Variants in SOX6 observed in about 807,000 individuals in gnomAD.
SOX6 encodes the protein transcription factor SOX-6.
A neutral mutation model predicts 97.8 loss-of-function variants in SOX6; 11 were observed. The observed-to-expected ratio is 0.11, with a 90% CI of 0.07 to 0.19. The LOEUF (loss-of-function observed/expected upper bound fraction) is 0.19, where lower values mean the gene tolerates loss of function less well. Ranked by LOEUF, SOX6 falls within the 10% of genes least tolerant of loss-of-function variation. SOX6 has a pLI of 1.00. For synonymous variants in SOX6, 360 were observed against 371.4 expected (o/e 0.97, Z 0.35); for missense variants, 810 against 1,039.5 (o/e 0.78, Z 3.04).
chr11:16,059,192 A>G (rs1012341020), intron 9 of SOX6, among the ~76,000 whole-genome samples: 2 of 152,106 alleles, frequency 1.3e-5, no homozygotes, highest in African/African-American at 2.4e-5. Flanking sequence ...ATAATCCTTA[A>G]CCATCAATTT....
chr11:16,014,942 C>T lies in SOX6; in HGVS notation c.1732G>A (p.Gly578Arg). ...IDLTRPEDAE[G>R]SKAMNGSAAK... ...AAAGAACTAGAGAAAAGCCACTCAC[C>T]CTCTGCATCTTCTGGCCGAGTAAGG... The change falls in exon 13 of 16, where the codon GGA (glycine) becomes AGA (arginine). Residue 578 changes from glycine (G) to arginine (R), a missense_variant and splice_region_variant. Gly to Arg is a moderately radical substitution (Grantham distance 125). Around this residue, in one of 9 missense-constraint regions of SOX6, gnomAD observed 120 missense variants for 127.0 expected, o/e 0.94. Coordinates refer to ENST00000683767, the MANE Select transcript of SOX6 (RefSeq NM_001367873.1). 6.2e-7 allele frequency: 1 copy of T among 1,612,320 alleles called. No individual in the cohort carries two copies. Among genetic ancestry groups the T allele is most frequent in the Non-Finnish European group, 8.5e-7 (1 of 1,178,850 alleles).
At chr11:16,370,258 T>C (rs1471885530) in intron 1 of SOX6, among the ~76,000 whole-genome samples, 1 of 152,154 alleles carries the variant, frequency 6.6e-6, no homozygotes, top group Admixed American at 6.6e-5. Context: ...TACCTCAGCC[T>C]CCTTTTTTGC....
chr11:16,557,171 C>T (rs1847757807), intron 4 of SOX6, among the ~76,000 whole-genome samples: 1 of 151,772 alleles, frequency 6.6e-6, no homozygotes, highest in South Asian at 2.1e-4. Flanking sequence ...TGTTATCAAA[C>T]ATGTCAAAAG....
intron 4 of SOX6, among the ~76,000 whole-genome samples, chr11:16,516,597 C>T (rs1388813423): frequency 2.6e-5 from 4 of 151,636 alleles, no homozygotes; most frequent in East Asian, 1.9e-4. Context: ...ATAAATTCCT[C>T]GACACATACA....
At chr11:16,023,058 G>T (rs1298837460) in intron 12 of SOX6, 5 of 151,934 alleles carry the variant, frequency 3.3e-5, no homozygotes, top group African/African-American at 1.2e-4. Flanking sequence ...CCTTCCAGAT[G>T]ACATCATAAT....
chr11:16,230,572 A>C (rs1373829552), intron 4 of SOX6, among the ~76,000 whole-genome samples: 1 of 151,832 alleles, frequency 6.6e-6, no homozygotes, highest in African/African-American at 2.4e-5. Flanking sequence ...TTATTGAGAG[A>C]CATAAAATAA....
At chr11:16,470,628 A>G (rs935076885) in intron 1 of SOX6, among the ~76,000 whole-genome samples, 1 of 152,166 alleles carries the variant, frequency 6.6e-6, no homozygotes, top group Non-Finnish European at 1.5e-5. Flanking sequence ...CAAAATTTCA[A>G]AAATATTTAT....
rs796807494 is a variant in SOX6, at chr11:16,235,169, T to C, written c.446-498A>G. 3.3e-5 allele frequency among the ~76,000 whole-genome samples: 5 copies of C among 151,964 alleles called. No homozygotes were observed. The South Asian group carries it at 1.0e-3, about 31-fold the overall frequency. ...ATCTAACTTTTATAAAATATCCAAT[T>C]AAAGCAAAACAAGAAGAAAATGAAA... On this transcript the variant is annotated intron_variant, in intron 3 of 15. Coordinates refer to ENST00000683767, the MANE Select transcript of SOX6 (RefSeq NM_001367873.1).
chr11:16,144,219 A>G (rs936675554), intron 6 of SOX6, among the ~76,000 whole-genome samples: 7 of 152,220 alleles, frequency 4.6e-5, no homozygotes, highest in Non-Finnish European at 8.8e-5. Flanking sequence ...ACTCAACTAC[A>G]TGGAAACTGA....
At chr11:16,002,507 T>C (rs971827657) in intron 13 of SOX6, among the ~76,000 whole-genome samples, 1 of 152,192 alleles carries the variant, frequency 6.6e-6, no homozygotes, top group Non-Finnish European at 1.5e-5. Context: ...ATATTCTTTA[T>C]TTTAATGACC....
chr11:16,655,888 G>A (rs1385103245), intron 3 of SOX6, among the ~76,000 whole-genome samples: 1 of 151,870 alleles, frequency 6.6e-6, no homozygotes, highest in Non-Finnish European at 1.5e-5. Flanking sequence ...AGGATCACTT[G>A]AGCCCAGGAG....
intron 3 of SOX6, among the ~76,000 whole-genome samples, chr11:16,707,210 C>CA (rs2134045424): frequency 6.6e-6 from 1 of 152,114 alleles, no homozygotes; most frequent in African/African-American, 2.4e-5. Context: ...ATAAATTAGT[C>CA]AGTTTTTCCA....
chr11:16,587,133 G>T (rs2088846499), intron 4 of SOX6, among the ~76,000 whole-genome samples: 1 of 152,098 alleles, frequency 6.6e-6, no homozygotes, highest in African/African-American at 2.4e-5. Flanking sequence ...CTTATTATCT[G>T]GTCTGTAGAT....
At chr11:16,672,071 TAAGATCCTTTTCAG>T (rs1464800543) in intron 3 of SOX6, among the ~76,000 whole-genome samples, 1 of 152,154 alleles carries the variant, frequency 6.6e-6, no homozygotes, top group East Asian at 1.9e-4. Flanking sequence ...GAAGGAGAAA[TAAGATCCTTTTCAG>T]ATAAGCAAAT....
At chr11:16,732,248 T>C (rs1480603156) in intron 2 of SOX6, among the ~76,000 whole-genome samples, 1 of 152,108 alleles carries the variant, frequency 6.6e-6, no homozygotes, top group South Asian at 2.1e-4. Flanking sequence ...CTTCGTTTCA[T>C]ATGGAAACAA....
At chr11:16,237,307 A>G (rs900223085) in intron 3 of SOX6, among the ~76,000 whole-genome samples, 8 of 151,982 alleles carry the variant, frequency 5.3e-5, no homozygotes, top group African/African-American at 1.9e-4. Flanking sequence ...GTTACTAAGC[A>G]CTCTATAAGC....
chr11:16,253,284 G>A (rs1191125771), intron 3 of SOX6, among the ~76,000 whole-genome samples: 4 of 151,934 alleles, frequency 2.6e-5, no homozygotes, highest in Non-Finnish European at 5.9e-5. Flanking sequence ...AGGAGGCGGA[G>A]GTTGCAGTGA....
intron 4 of SOX6, among the ~76,000 whole-genome samples, chr11:16,540,985 T>C (rs1296899292): frequency 6.6e-6 from 1 of 152,126 alleles, no homozygotes; most frequent in Non-Finnish European, 1.5e-5. Flanking sequence ...AAAGTTCATA[T>C]GGAACCAAAA....
At chr11:16,517,482 C>A (rs1225108393) in intron 4 of SOX6, among the ~76,000 whole-genome samples, 1 of 152,202 alleles carries the variant, frequency 6.6e-6, no homozygotes, top group African/African-American at 2.4e-5. Flanking sequence ...AATGAAAATT[C>A]TTTGAAAATA....
Sources: gnomAD v4.1 joint callset for allele counts (sites outside exome capture counted in the v4.1 genomes callset) on GRCh38, gnomAD v4.1.1 for gene constraint, gnomAD v4.1.1 regional missense constraint, MANE v1.5 for transcripts, NCBI Gene and HGNC (gene_info 2026-07-23, HGNC 2026-07-21) for gene names.